TLR1: variants seen among roughly 807,000 people sequenced by gnomAD.
TLR1 encodes toll like receptor 1, also known as toll-like receptor 1.
TLR1 carries 19 observed loss-of-function variants against 20.2 expected under a neutral mutation model. The ratio of observed to expected loss-of-function variants is 0.94; its 90% CI spans 0.66 to 1.38. The LOEUF (loss-of-function observed/expected upper bound fraction) is 1.38, where lower values mean the gene tolerates loss of function less well. TLR1 is among the 40% of genes most tolerant of loss of function. The pLI is 0.00. For synonymous variants in TLR1, 320 were observed against 334.5 expected (o/e 0.96, Z 0.47); for missense variants, 921 against 910.0 (o/e 1.01, Z -0.16).
At chr4:38,790,712 G>A (rs1725695487), downstream of TLR1, 1 of 151,918 alleles carries the variant, frequency 6.6e-6, no homozygotes, top group Non-Finnish European at 1.5e-5. Flanking sequence ...AGATGGATGT[G>A]GACTTCTCAG....
intron 3 of TLR1, 38 bp from the exon 4 acceptor site, chr4:38,798,936 T>A (rs1579208579): frequency 1.0e-6 from 1 of 997,538 alleles, no homozygotes; most frequent in East Asian, 2.7e-5. Context: ...ATACATTACA[T>A]ACATTTTTAA....
chr4:38,798,742 A>G lies in TLR1; in HGVS notation c.90T>C (p.Asp30=). Residue 30 remains aspartate (D), a synonymous_variant, in exon 4 of 4, where the codon GAT becomes GAC. Coordinates refer to ENST00000308979, the MANE Select transcript of TLR1 (RefSeq NM_003263.4). ...QLSEESEFLV[D]RSKNGLIHVP... is the part of the protein sequence containing the mutation. The stretch of plus-strand genomic sequence containing the variant: ...CGTGGATGAGACCGTTTTTTGACCT[A>G]TCAACTAAAAATTCACTTTCTTCAG... 1 of 1,612,868 alleles carries G rather than the reference A, an allele frequency of 6.2e-7. No homozygotes were observed. Among genetic ancestry groups the G allele is most frequent in the Non-Finnish European group, 8.5e-7 (1 of 1,179,780 alleles).
intron 3 of TLR1, 38 bp from the exon 4 acceptor site, chr4:38,798,936 T>C: frequency 4.0e-6 from 4 of 997,542 alleles, no homozygotes; most frequent in South Asian, 2.0e-5. Context: ...ATACATTACA[T>C]ACATTTTTAA....
intron 2 of TLR1, among the ~76,000 whole-genome samples, chr4:38,802,647 G>C (rs1726749548): frequency 1.3e-5 from 2 of 152,204 alleles, no homozygotes; most frequent in Non-Finnish European, 1.5e-5. Context: ...TGCCCACTTG[G>C]CCCTCCTCCA....
chr4:38,788,724 T>A (rs1725655215), downstream of TLR1, among the ~76,000 whole-genome samples: 1 of 152,198 alleles, frequency 6.6e-6, no homozygotes, highest in Non-Finnish European at 1.5e-5. Context: ...AAACTATATT[T>A]AGGGCCAAGT....
downstream of TLR1, among the ~76,000 whole-genome samples, chr4:38,789,539 C>T (rs1056445188): frequency 1.1e-4 from 17 of 150,976 alleles, no homozygotes; most frequent in African/African-American, 2.4e-4. Context: ...TAGAGTGCAA[C>T]GATGTGATCG....
Position 38,797,428 on chromosome 4 carries a change from T to C in TLR1, c.1404A>G (p.Glu468=). The change falls in exon 4 of 4, where the codon GAA becomes GAG. Residue 468 remains glutamate, a synonymous_variant. Transcript: ENST00000308979. ...KSIPKQVVKL[E]ALQELNVAFN... is the part of the protein sequence containing the mutation. ...AAGCAACATTGAGTTCTTGCAAAGCTTCCAGTTTTACGACTTGTTTAGGAA... is the reference window on the plus strand; with the variant it reads ...AAGCAACATTGAGTTCTTGCAAAGCCTCCAGTTTTACGACTTGTTTAGGAA... 1 of 1,614,228 alleles carries C rather than the reference T, an allele frequency of 6.2e-7. No individual in the cohort carries two copies. The highest frequency in any genetic ancestry group is 8.5e-7 in the Non-Finnish European group (1 of 1,180,038).
At position 38,804,015 on chromosome 4, in the gene TLR1, T is replaced by C. The variant is rs1346573620; in HGVS notation, c.-160+291A>G. ...CATTAAGTTTAGTCCTGTAAATATT[T>C]ACTAAGGGCCTTCTCTGCACAAGAC... On this transcript the variant is annotated intron_variant, in intron 2 of 3. Transcript: ENST00000308979. Among the ~76,000 whole-genome samples the C allele has an allele frequency of 2.0e-5, 3 of 152,340 alleles. No individual in the cohort carries two copies. The South Asian group carries it at 6.2e-4, about 32-fold the overall frequency.
chr4:38,800,469 T>TA (rs1358294478), intron 3 of TLR1: 1 of 152,238 alleles, frequency 6.6e-6, no homozygotes, highest in Non-Finnish European at 1.5e-5. Context: ...GGCACTGTTC[T>TA]AGGTTATGCC....
downstream of TLR1, among the ~76,000 whole-genome samples, chr4:38,792,668 C>A (rs1033995166): frequency 2.6e-5 from 4 of 151,888 alleles, no homozygotes; most frequent in African/African-American, 9.7e-5. Context: ...AATGGTTGTA[C>A]AATATGTCAT....
downstream of TLR1, among the ~76,000 whole-genome samples, chr4:38,788,963 G>C (rs1725659494): frequency 6.6e-6 from 1 of 152,098 alleles, no homozygotes; most frequent in African/African-American, 2.4e-5. Flanking sequence ...CTATGATTGT[G>C]CCACTGCACT....
rs797016356 is a variant in TLR1 at position 38,798,153 on chromosome 4, C to A, written c.679G>T (p.Asp227Tyr). 2 of 1,613,992 alleles carry A rather than the reference C, an allele frequency of 1.2e-6. No homozygotes were observed. Among genetic ancestry groups the A allele is most frequent in the Non-Finnish European group, 1.7e-6 (2 of 1,179,928 alleles). ...ELSNIKCVLE[D>Y]NKCSYFLSIL... Reference sequence around the variant, plus strand: ...CTTAGGAAGTAAGAACATTTGTTATCTTCTAGCACACATTTGATATTAGAT... The same window carrying A: ...CTTAGGAAGTAAGAACATTTGTTATATTCTAGCACACATTTGATATTAGAT... Residue 227 changes from aspartate to tyrosine, a missense_variant, in exon 4 of 4, where the codon GAT becomes TAT. Coordinates refer to ENST00000308979, the MANE Select transcript of TLR1 (RefSeq NM_003263.4).
intron 2 of TLR1, 28 bp downstream of exon 2, chr4:38,804,277 AG>A (rs1427912559): frequency 2.0e-5 from 3 of 152,282 alleles, no homozygotes; most frequent in Non-Finnish European, 4.4e-5. Flanking sequence ...GCTAGTGGGA[AG>A]GCCCCAGAGA....
In TLR1 at chr4:38,796,384, T is replaced by C. The variant is rs1726054152; in HGVS notation, c.*87A>G. The stretch of plus-strand genomic sequence containing the variant: ...TCATACACTCACAATTGTGTTTACA[T>C]CTATGCTGATGCAAAATAAAGTCAT... On this transcript the variant is annotated 3_prime_UTR_variant, in exon 4 of 4. Transcript: ENST00000308979. 3 of 1,452,512 alleles carry C rather than the reference T, an allele frequency of 2.1e-6. No homozygotes were observed. The highest frequency in any genetic ancestry group is 1.4e-5 in the African/African-American group (1 of 71,100). 90.0% of individuals were successfully genotyped at this position (1,452,512 alleles called of 1,614,324 possible). A position where few individuals can be genotyped will look rare whatever the true frequency, so the allele number is the denominator to read the frequency against.
At chr4:38,802,986 C>G (rs149748202) in intron 2 of TLR1, among the ~76,000 whole-genome samples, 15 of 152,228 alleles carry the variant, frequency 9.9e-5, no homozygotes, top group African/African-American at 3.1e-4. Flanking sequence ...TCCATCTTTG[C>G]AGATGGACTG....
Position 38,796,836 on chromosome 4 carries a change from T to A in TLR1, c.1996A>T (p.Ile666Phe). The A allele has an allele frequency of 6.2e-7, 1 of 1,614,252 alleles. No homozygotes were observed. Among genetic ancestry groups the A allele is most frequent in the Non-Finnish European group, 8.5e-7 (1 of 1,180,056 alleles). The change falls in exon 4 of 4, where the codon ATT (isoleucine) becomes TTT (phenylalanine). Residue 666 changes from isoleucine (I) to phenylalanine (F), a missense_variant. Physicochemically the swap from Ile to Phe is conservative, Grantham distance 21. Transcript: ENST00000308979. ...ACAAAGTTTCTCTCATGAAGGCAAA[T>A]CTGCATACCTTCTTTCTCTAGGTTT... ...LPNLEKEGMQ[I>F]CLHERNFVPG...
In TLR1 at chr4:38,790,978, T is replaced by G. The variant is rs549453967; in HGVS notation, n.489A>C. On this transcript the variant is annotated non_coding_transcript_exon_variant, in exon 4 of 4. Coordinates refer to the TLR1 transcript ENST00000505744. ...CTCTCAATCTTGTTTGGGACCTTGT[T>G]GATTAATTTTGACAATTAATTTTTA... 3.9e-5 allele frequency: 6 copies of G among 152,342 alleles called. No individual in the cohort carries two copies. The East Asian group carries it at 9.6e-4, about 24-fold the overall frequency. The allele number at this position is 152,342 out of a possible 1,614,324, so 9.4% of individuals were successfully genotyped here.
exon 4 of TLR1, chr4:38,791,074 T>A (rs890014780): frequency 1.3e-5 from 2 of 152,228 alleles, no homozygotes; most frequent in Non-Finnish European, 2.9e-5. Context: ...CCTAGTAGGA[T>A]GAAGTCCATC....
chr4:38,792,865 A>ATATATATATATATATATATATATATC (rs1345088695), downstream of TLR1, among the ~76,000 whole-genome samples: 1 of 147,884 alleles, frequency 6.8e-6, no homozygotes, highest in South Asian at 2.1e-4. Context: ...ATATATATAT[A>ATATATATATATATATATATATATATC]TATATATATA....
Sources: gnomAD v4.1 joint callset for allele counts (sites outside exome capture counted in the v4.1 genomes callset) on GRCh38, gnomAD v4.1.1 for gene constraint, MANE v1.5 for transcripts, NCBI Gene and HGNC (gene_info 2026-07-23, HGNC 2026-07-21) for gene names.